IQSEC1: variants seen among roughly 807,000 people sequenced by gnomAD.
The protein encoded by IQSEC1 is IQ motif and Sec7 domain ArfGEF 1, also known as IQ motif and SEC7 domain-containing protein 1.
Under a neutral mutation model 91.0 loss-of-function variants are expected in IQSEC1, and 31 were observed. That is an observed-to-expected ratio of 0.34 (90% confidence interval 0.26 to 0.46). The LOEUF (loss-of-function observed/expected upper bound fraction) is 0.46. Ranked by LOEUF, IQSEC1 falls within the 20% of genes least tolerant of loss-of-function variation. The pLI, the probability that IQSEC1 is intolerant of heterozygous loss-of-function variation, is 1.00. For synonymous variants in IQSEC1, 699 were observed against 662.6 expected (o/e 1.05, Z -0.84); for missense variants, 1,388 against 1,575.6 (o/e 0.88, Z 2.02).
At chr3:12,917,677 A>C (rs1240118692) in intron 6 of IQSEC1, among the ~76,000 whole-genome samples, 1 of 152,118 alleles carries the variant, frequency 6.6e-6, no homozygotes, top group East Asian at 1.9e-4. Flanking sequence ...ACATTTTGAC[A>C]GTTTTGAATG....
intron 1 of IQSEC1, among the ~76,000 whole-genome samples, chr3:13,256,810 GGGAGAGGGACCCT>G (rs1322966370): frequency 3.3e-5 from 5 of 152,148 alleles, no homozygotes; most frequent in African/African-American, 1.2e-4. Flanking sequence ...GCACGAGAAG[GGGAGAGGGACCCT>G]GGAGGAGAGC....
chr3:13,131,516 T>C (rs1706620481), intron 2 of IQSEC1, among the ~76,000 whole-genome samples: 1 of 123,022 alleles, frequency 8.1e-6, no homozygotes, highest in African/African-American at 3.0e-5. Flanking sequence ...ATACTGAGCC[T>C]CACTTTGTCA....
chr3:13,068,894 C>T (rs1471070759), intron 1 of IQSEC1, among the ~76,000 whole-genome samples: 6 of 152,252 alleles, frequency 3.9e-5, no homozygotes, highest in Non-Finnish European at 8.8e-5. Flanking sequence ...TTCTCTGTGT[C>T]CTTCTCCCCT....
At chr3:13,201,633 C>A (rs914723719) in intron 1 of IQSEC1, among the ~76,000 whole-genome samples, 1 of 152,194 alleles carries the variant, frequency 6.6e-6, no homozygotes, top group Non-Finnish European at 1.5e-5. Context: ...CCTTAGCCAC[C>A]GTGCCCAGAC....
chr3:13,060,058 G>A (rs1215324541), intron 1 of IQSEC1, among the ~76,000 whole-genome samples: 1 of 152,202 alleles, frequency 6.6e-6, no homozygotes, highest in African/African-American at 2.4e-5. Context: ...GTGCCACTAC[G>A]ATGTGCTGAG....
In IQSEC1 at chr3:12,936,423, G is replaced by C. The variant is rs752069173; in HGVS notation, c.593C>G (p.Pro198Arg). 8.7e-6 allele frequency: 14 copies of C among 1,600,060 alleles called. No homozygotes were observed. The highest frequency in any genetic ancestry group is 2.2e-5 in the East Asian group (1 of 44,672). The change falls in exon 3 of 14, where the codon CCT becomes CGT. Residue 198 changes from proline (P) to arginine (R), a missense_variant. This residue lies in a region of IQSEC1 where 1,059 missense variants were observed against 1,317.8 expected (regional missense o/e 0.80). Coordinates refer to ENST00000613206, the MANE Select transcript of IQSEC1 (RefSeq NM_001134382.3). ...GGGCTCGCTGAGGTCACCACACTCA[G>C]GGGACACCAGGGCTCCCAGCTGGGA... Reference protein sequence around the residue: ...DGSQLGALVSPECGDLSEPTT... With the variant: ...DGSQLGALVSRECGDLSEPTT...
In IQSEC1 at chr3:13,270,299, C is replaced by T. The variant is rs376065756; in HGVS notation, c.272+12412G>A. On this transcript the variant is annotated intron_variant, in intron 1 of 15. Coordinates refer to the IQSEC1 transcript ENST00000648114. ...GTTACAGGCCAACAAATAAACCTTA[C>T]GGTGACTGAATGATGGATTAATTGA... Among the ~76,000 whole-genome samples, 37 of 152,360 alleles carry T rather than the reference C, an allele frequency of 2.4e-4. No individual in the cohort carries two copies. The South Asian group carries it at 7.2e-3, about 30-fold the overall frequency.
rs932769951 is a variant in IQSEC1 at position 12,940,918 on chromosome 3, T to G, written c.318+653A>C. Among the ~76,000 whole-genome samples the G allele has an allele frequency of 6.6e-6, 1 of 152,144 alleles. No individual in the cohort carries two copies. Among genetic ancestry groups the G allele is most frequent in the Admixed American group, 6.5e-5 (1 of 15,286 alleles). On this transcript the variant is annotated intron_variant, in intron 2 of 13. Coordinates refer to ENST00000613206, the MANE Select transcript of IQSEC1 (RefSeq NM_001134382.3). This position sits in a 1 kb window ranked among gnomAD's most constrained non-coding sequence, Gnocchi z 4.4. ...GGATTCTCCTCTCCTGGCTCAACCCTGAGAGGCTACCTCTTGTCCTCCCTC... is the reference window on the plus strand; with the variant it reads ...GGATTCTCCTCTCCTGGCTCAACCCGGAGAGGCTACCTCTTGTCCTCCCTC...
chr3:13,087,508 A>G (rs1705756442), intron 2 of IQSEC1, among the ~76,000 whole-genome samples: 1 of 152,220 alleles, frequency 6.6e-6, no homozygotes, highest in Non-Finnish European at 1.5e-5. Flanking sequence ...GAGACCGTGA[A>G]TCAATCCCAA....
At chr3:13,130,613 A>G (rs540710433) in intron 2 of IQSEC1, among the ~76,000 whole-genome samples, 2 of 152,170 alleles carry the variant, frequency 1.3e-5, no homozygotes, top group East Asian at 3.9e-4. Context: ...CTATCCATAC[A>G]TCAAGGCTAC....
chr3:12,917,854 A>G (rs1001610400), intron 6 of IQSEC1, among the ~76,000 whole-genome samples: 2 of 152,248 alleles, frequency 1.3e-5, no homozygotes, highest in Non-Finnish European at 2.9e-5. Flanking sequence ...ACAAACTTTA[A>G]TAACAAGGAA....
chr3:12,982,179 T>C (rs939160202), intron 1 of IQSEC1, among the ~76,000 whole-genome samples: 4 of 152,124 alleles, frequency 2.6e-5, no homozygotes, highest in African/African-American at 7.2e-5. Flanking sequence ...GCGCCCCATA[T>C]TGGAACCCAC....
At chr3:13,121,916 T>C (rs1431226215) in intron 2 of IQSEC1, among the ~76,000 whole-genome samples, 1 of 152,212 alleles carries the variant, frequency 6.6e-6, no homozygotes, top group Admixed American at 6.5e-5. Context: ...GCCACGGCAG[T>C]GGGAGGCTGA....
rs557125781 is a variant in IQSEC1, at chr3:12,921,186, G to GCACAAGA, written c.1854-591_1854-590insTCTTGTG. 4.5e-4 allele frequency among the ~76,000 whole-genome samples: 69 copies of GCACAAGA among 152,314 alleles called. 1 individual carries two copies. In the East Asian group the frequency reaches 0.013, roughly 29 times the overall value. ...CCCCTCCACTGGTGACCTCGTGGAG[G>GCACAAGA]GGCAGGTGACAAGAGGCAGGGACAG... On this transcript the variant is annotated intron_variant, in intron 5 of 13. Coordinates refer to ENST00000613206, the MANE Select transcript of IQSEC1 (RefSeq NM_001134382.3).
rs762444448 is a variant in IQSEC1 at position 12,935,941 on chromosome 3, G to A, written c.1075C>T (p.Arg359Trp). The change falls in exon 3 of 14, where the codon CGG becomes TGG. Residue 359 changes from arginine (R) to tryptophan (W), a missense_variant. Physicochemically the swap from Arg to Trp is moderately radical, Grantham distance 101. Around this residue, in one of 2 missense-constraint regions of IQSEC1, gnomAD observed 1,059 missense variants for 1,317.8 expected, o/e 0.80. Coordinates refer to ENST00000613206, the MANE Select transcript of IQSEC1 (RefSeq NM_001134382.3). This position sits in a 1 kb window ranked among gnomAD's most constrained non-coding sequence, Gnocchi z 8.0. ...PSLERQEQRL[R>W]VEHLPLLTIE... ...GTGAGCAGCGGCAGATGCTCCACCC[G>A]CAGCCGCTGCTCCTGCCGCTCCAGC... 1.3e-5 allele frequency: 21 copies of A among 1,598,248 alleles called. No individual in the cohort carries two copies. In the South Asian group the frequency reaches 1.5e-4, roughly 12 times the overall value.
intron 1 of IQSEC1, among the ~76,000 whole-genome samples, chr3:13,265,253 C>T (rs933952606): frequency 3.3e-5 from 5 of 152,196 alleles, no homozygotes; most frequent in Admixed American, 2.0e-4. Flanking sequence ...TGTGACAAGA[C>T]ACCCAGCATC....
chr3:13,261,241 G>C (rs1274949249), intron 1 of IQSEC1, among the ~76,000 whole-genome samples: 2 of 152,172 alleles, frequency 1.3e-5, no homozygotes, highest in Non-Finnish European at 2.9e-5. Context: ...ACTGTCCTTG[G>C]CCAAGGTCAC....
chr3:12,936,709 AGAG>A lies in IQSEC1; in HGVS notation c.319-15_319-13del, dbSNP rs762513392. 11 of 1,556,346 alleles carry A rather than the reference AGAG, an allele frequency of 7.1e-6. No individual in the cohort carries two copies. The highest frequency in any genetic ancestry group is 6.8e-5 in the African/African-American group (5 of 73,320). Reference sequence around the variant, plus strand: ...TCTAGCATCTCCACCTGCGGGTGGGAGAGGAGAATGAGAACAGCACTGCATGTA... The same window carrying A: ...TCTAGCATCTCCACCTGCGGGTGGGAGAGAATGAGAACAGCACTGCATGTA... On this transcript the variant is annotated splice_polypyrimidine_tract_variant and intron_variant, in intron 2 of 13. Coordinates refer to ENST00000613206, the MANE Select transcript of IQSEC1 (RefSeq NM_001134382.3).
chr3:13,116,553 C>CATGCAAAAG (rs1706339058), intron 2 of IQSEC1, among the ~76,000 whole-genome samples: 1 of 152,164 alleles, frequency 6.6e-6, no homozygotes, highest in African/African-American at 2.4e-5. Context: ...TGCACATCCA[C>CATGCAAAAG]ATGCAAAAGA....
Sources: gnomAD v4.1 joint callset for allele counts (sites outside exome capture counted in the v4.1 genomes callset) on GRCh38, gnomAD v4.1.1 for gene constraint, gnomAD v4.1.1 regional missense constraint, Gnocchi (gnomAD v3.1) non-coding constraint, MANE v1.5 for transcripts, NCBI Gene and HGNC (gene_info 2026-07-23, HGNC 2026-07-21) for gene names.